KCNK18: variants seen among roughly 807,000 people sequenced by gnomAD.
The protein encoded by KCNK18 is potassium channel subfamily K member 18.
In KCNK18, 8 loss-of-function variants were observed where a neutral mutation model predicts 11.8. The observed-to-expected ratio is 0.68, with a 90% CI of 0.40 to 1.22. The LOEUF (loss-of-function observed/expected upper bound fraction) is 1.22, where lower values mean the gene tolerates loss of function less well. Ranked by LOEUF, KCNK18 falls within the 50% of genes most tolerant of loss-of-function variation. The probability of loss-of-function intolerance (pLI) is 0.01; values close to 1 mark genes in which losing one functional copy is unlikely to be tolerated. For missense variants in KCNK18, 442 were observed against 465.4 expected (o/e 0.95, Z 0.46); for synonymous variants, 208 against 185.8 (o/e 1.12, Z -0.97).
At chr10:117,208,793 T>C (rs1000708940) in intron 2 of KCNK18, among the ~76,000 whole-genome samples, 3 of 149,048 alleles carry the variant, frequency 2.0e-5, no homozygotes, top group Non-Finnish European at 4.4e-5. Context: ...TAGGCTGGAG[T>C]GCAATGGCAC....
rs1222745916 is a variant in KCNK18, at chr10:117,209,483, A to G, written c.353-14A>G. On this transcript the variant is annotated splice_polypyrimidine_tract_variant and intron_variant, in intron 2 of 2. Transcript: ENST00000334549. ...GGGCCAGATGCAAACTCTAAGCTCC[A>G]TCTTCTTTTTCAGGCTATGGCTACA... 2 of 1,611,990 alleles carry G rather than the reference A, an allele frequency of 1.2e-6. No individual in the cohort carries two copies. The highest frequency in any genetic ancestry group is 1.7e-5 in the Admixed American group (1 of 60,012).
At position 117,197,568 on chromosome 10, in the gene KCNK18, TCTG is replaced by T; in HGVS notation, c.83_85del (p.Cys28del). 1 of 1,614,262 alleles carries T rather than the reference TCTG, an allele frequency of 6.2e-7. No homozygotes were observed. Among genetic ancestry groups the T allele is most frequent in the Non-Finnish European group, 8.5e-7 (1 of 1,180,046 alleles). On this transcript the variant is annotated inframe_deletion, in exon 1 of 3. Transcript: ENST00000334549. ...AAGCTCTTCCCTGGCCTCTGCTTCC[TCTG>T]CTTTCTGGTGACCTACGCCCTGGTG...
At position 117,202,886 on chromosome 10, in the gene KCNK18, C is replaced by CTTTTTTTTT. The variant is rs201850637; in HGVS notation, c.352+1613_352+1621dup. 4.1e-4 allele frequency among the ~76,000 whole-genome samples: 50 copies of CTTTTTTTTT among 122,992 alleles called. 1 individual carries two copies. Among genetic ancestry groups the CTTTTTTTTT allele is most frequent in the African/African-American group, 1.6e-3 (47 of 29,268 alleles). The allele number at this position is 122,992 out of a possible 152,430, so 80.7% of individuals were successfully genotyped here. ...GTGGTTTCTCCCATTTGCCTGAATGCTTTTTTTTTTTTTTTTTTTTTTGAG... is the reference window on the plus strand; with the variant it reads ...GTGGTTTCTCCCATTTGCCTGAATGCTTTTTTTTTTTTTTTTTTTTTTTTTTTTTTTGAG... On this transcript the variant is annotated intron_variant, in intron 2 of 2. Transcript: ENST00000334549.
At chr10:117,204,892 C>T (rs1205384382) in intron 2 of KCNK18, among the ~76,000 whole-genome samples, 2 of 152,196 alleles carry the variant, frequency 1.3e-5, no homozygotes, top group African/African-American at 4.8e-5. Flanking sequence ...CTGTGAGTCA[C>T]TGATCTAATG....
Position 117,197,511 on chromosome 10 carries a change from AG to A in KCNK18, c.25del (p.Ala9ProfsTer23), listed in dbSNP as rs1159067051. 6.2e-7 allele frequency: 1 copy of A among 1,613,370 alleles called. No individual in the cohort carries two copies. Among genetic ancestry groups the A allele is most frequent in the East Asian group, 2.2e-5 (1 of 44,880 alleles). MEVSGHP[Q>X]ARRCCPEALG... ...ACGATGGAGGTCTCGGGGCACCCCC[AG>A]GCCAGGAGATGCTGCCCAGAGGCCC... On this transcript the variant is annotated frameshift_variant, in exon 1 of 3. Transcript: ENST00000334549. LOFTEE classifies it high-confidence loss of function.
At chr10:117,201,027 C>G (rs1589965591) in intron 1 of KCNK18, 132 bp from the exon 2 acceptor site, 3 of 1,051,304 alleles carry the variant, frequency 2.9e-6, no homozygotes, top group East Asian at 4.7e-5. Flanking sequence ...GACCACCGAG[C>G]TTTGGTGTTG....
intron 2 of KCNK18, among the ~76,000 whole-genome samples, chr10:117,202,886 CTTTTTTTTTTT>C (rs201850637): frequency 8.1e-6 from 1 of 123,012 alleles, no homozygotes; most frequent in African/African-American, 3.4e-5. Flanking sequence ...TGCCTGAATG[CTTTTTTTTTTT>C]TTTTTTTTTT....
intron 1 of KCNK18, among the ~76,000 whole-genome samples, chr10:117,198,756 A>T (rs777656677): frequency 5.3e-5 from 8 of 152,168 alleles, no homozygotes; most frequent in African/African-American, 9.7e-5. Context: ...ACAAGAGGCC[A>T]GTCCAGGGAG....
chr10:117,204,270 CAAAAAAA>C (rs61016831), intron 2 of KCNK18, among the ~76,000 whole-genome samples: 5 of 116,536 alleles, frequency 4.3e-5, no homozygotes, highest in African/African-American at 1.4e-4. Flanking sequence ...GGCAGAGTCT[CAAAAAAA>C]AAAAAAAAAG....
chr10:117,198,235 C>A (rs982365906), intron 1 of KCNK18, among the ~76,000 whole-genome samples: 3 of 152,140 alleles, frequency 2.0e-5, no homozygotes, highest in African/African-American at 7.2e-5. Context: ...TTTCAAACTC[C>A]TTTTCTGCTG....
At chr10:117,203,380 G>A (rs1855037745) in intron 2 of KCNK18, among the ~76,000 whole-genome samples, 1 of 152,184 alleles carries the variant, frequency 6.6e-6, no homozygotes, top group Non-Finnish European at 1.5e-5. Flanking sequence ...CTGTGAGGGA[G>A]TCACAGGCAG....
chr10:117,210,158 GTTC>G lies in KCNK18; in HGVS notation c.1019_1021del (p.Phe340del). The G allele has an allele frequency of 1.2e-6, 2 of 1,614,174 alleles. No homozygotes were observed. Among genetic ancestry groups the G allele is most frequent in the Non-Finnish European group, 1.7e-6 (2 of 1,180,036 alleles). On this transcript the variant is annotated inframe_deletion, in exon 3 of 3. Coordinates refer to ENST00000334549, the MANE Select transcript of KCNK18 (RefSeq NM_181840.1). ...TTTTAGAACACCCTAACTTCTTCCT[GTTC>G]TTCTCCATTTATATCATCGTTGGAA...
At chr10:117,204,282 AAAAAG>A (rs1159406020) in intron 2 of KCNK18, among the ~76,000 whole-genome samples, 1 of 151,002 alleles carries the variant, frequency 6.6e-6, no homozygotes, top group Non-Finnish European at 1.5e-5. Context: ...AAAAAAAAAA[AAAAAG>A]AAAAAAGAAA....
rs529980256 is a variant in KCNK18 at position 117,203,479 on chromosome 10, T to C, written c.352+2192T>C. ...GGAAACAATAGGCCCAGGAGAGCAGTAACTCCAAGAAAGACACGGAACTGT... is the reference window on the plus strand; with the variant it reads ...GGAAACAATAGGCCCAGGAGAGCAGCAACTCCAAGAAAGACACGGAACTGT... On this transcript the variant is annotated intron_variant, in intron 2 of 2. Coordinates refer to ENST00000334549, the MANE Select transcript of KCNK18 (RefSeq NM_181840.1). Among the ~76,000 whole-genome samples the C allele has an allele frequency of 2.6e-5, 4 of 152,288 alleles. No individual in the cohort carries two copies. In the South Asian group the frequency reaches 8.3e-4, roughly 32 times the overall value.
At chr10:117,200,536 G>A (rs113025952) in intron 1 of KCNK18, among the ~76,000 whole-genome samples, 10,183 of 152,166 alleles carry the variant, frequency 0.067, 560 homozygotes, top group Admixed American at 0.16. Context: ...GGCGGGGCGC[G>A]GTGGCTCACG....
chr10:117,198,256 C>A (rs938151424), intron 1 of KCNK18, among the ~76,000 whole-genome samples: 1 of 151,924 alleles, frequency 6.6e-6, no homozygotes, highest in Non-Finnish European at 1.5e-5. Flanking sequence ...TCTGGCTCAG[C>A]GGAGTGGGGA....
Position 117,201,229 on chromosome 10 carries a change from C to T in KCNK18, c.294C>T (p.Thr98=), listed in dbSNP as rs2133702244. Residue 98 remains threonine, a synonymous_variant, in exon 2 of 3, where the codon ACC becomes ACT. Coordinates refer to ENST00000334549, the MANE Select transcript of KCNK18 (RefSeq NM_181840.1). ...QKVKPQWFNR[T]THWSFLSSLF... ...TGAAGCCTCAGTGGTTTAACAGGAC[C>T]ACACACTGGTCCTTCCTGAGCTCGC... is the stretch of plus-strand genomic sequence containing the variant. The T allele has an allele frequency of 1.2e-6, 2 of 1,614,112 alleles. No homozygotes were observed. Among genetic ancestry groups the T allele is most frequent in the South Asian group, 2.2e-5 (2 of 91,090 alleles).
At chr10:117,205,012 T>C (rs1042393170) in intron 2 of KCNK18, among the ~76,000 whole-genome samples, 1 of 152,202 alleles carries the variant, frequency 6.6e-6, no homozygotes, top group South Asian at 2.1e-4. Context: ...GAAGAGGATG[T>C]TGGGGAATGT....
chr10:117,205,179 TG>T (rs1475987017), intron 2 of KCNK18, among the ~76,000 whole-genome samples: 1 of 152,190 alleles, frequency 6.6e-6, no homozygotes, highest in Non-Finnish European at 1.5e-5. Context: ...CATTCCCAAC[TG>T]GGTCATCCCT....
Sources: allele counts gnomAD v4.1 joint callset (sites outside exome capture counted in the v4.1 genomes callset), GRCh38; gene constraint gnomAD v4.1.1; transcripts MANE v1.5; gene names NCBI Gene and HGNC (gene_info 2026-07-23, HGNC 2026-07-21).